ARHGAP15: variants seen among roughly 807,000 people sequenced by gnomAD.
The protein encoded by ARHGAP15 is rho GTPase-activating protein 15.
In ARHGAP15, 51 loss-of-function variants were observed where a neutral mutation model predicts 63.7. The ratio of observed to expected loss-of-function variants is 0.80; its 90% CI spans 0.64 to 1.01. The LOEUF is 1.01. ARHGAP15 is among the 50% of genes least tolerant of loss of function. The pLI is 0.00. For missense variants in ARHGAP15, 560 were observed against 564.6 expected (o/e 0.99, Z 0.08); for synonymous variants, 191 against 193.8 (o/e 0.99, Z 0.12).
At chr2:143,318,717 GT>G (rs2105215791) in intron 6 of ARHGAP15, among the ~76,000 whole-genome samples, 1 of 151,974 alleles carries the variant, frequency 6.6e-6, no homozygotes, top group African/African-American at 2.4e-5. Flanking sequence ...CATGATGAGG[GT>G]TAAATGACAT....
intron 6 of ARHGAP15, among the ~76,000 whole-genome samples, chr2:143,404,972 A>G (rs571920180): frequency 6.6e-6 from 1 of 152,034 alleles, no homozygotes; most frequent in African/African-American, 2.4e-5. Context: ...CTGAGATGAA[A>G]CCCATATTAT....
At chr2:143,648,074 A>G (rs759283493) in intron 12 of ARHGAP15, among the ~76,000 whole-genome samples, 1 of 151,934 alleles carries the variant, frequency 6.6e-6, no homozygotes, top group African/African-American at 2.4e-5. Flanking sequence ...AATAAACTCA[A>G]TGGGAGTCCT....
chr2:143,633,424 G>T (rs1256549016), intron 12 of ARHGAP15, among the ~76,000 whole-genome samples: 1 of 152,118 alleles, frequency 6.6e-6, no homozygotes, highest in Non-Finnish European at 1.5e-5. Context: ...AAACTAGAAG[G>T]TGATTCAGAA....
At chr2:143,229,113 T>G (rs1253672380) in intron 5 of ARHGAP15, among the ~76,000 whole-genome samples, 2 of 152,124 alleles carry the variant, frequency 1.3e-5, no homozygotes, top group African/African-American at 2.4e-5. Flanking sequence ...TATTAAACCA[T>G]GTATGTGCAT....
At chr2:143,263,954 A>G (rs1680869596) in intron 6 of ARHGAP15, among the ~76,000 whole-genome samples, 2 of 110,760 alleles carry the variant, frequency 1.8e-5, no homozygotes, top group South Asian at 5.8e-4. Context: ...GTGCTCACCA[A>G]CATACTGAGC....
intron 6 of ARHGAP15, among the ~76,000 whole-genome samples, chr2:143,433,269 A>G (rs1689467904): frequency 6.6e-6 from 1 of 152,116 alleles, no homozygotes. Context: ...ACTGGAATAG[A>G]GCAGAACAAA....
Position 143,719,253 on chromosome 2 carries a change from T to C in ARHGAP15, c.1244+15729T>C, listed in dbSNP as rs1048623489. Among the ~76,000 whole-genome samples the C allele has an allele frequency of 2.6e-5, 4 of 152,206 alleles. No individual in the cohort carries two copies. The East Asian group carries it at 5.8e-4, about 22-fold the overall frequency. ...TCTTTACTTCATTTATTGATTTTCA[T>C]TTACCTCCCATAGAGTTTGTGATAC... is the stretch of plus-strand genomic sequence containing the variant. On this transcript the variant is annotated intron_variant, in intron 13 of 13. Coordinates refer to ENST00000295095, the MANE Select transcript of ARHGAP15 (RefSeq NM_018460.4).
At chr2:143,167,099 C>T (rs926747816) in intron 2 of ARHGAP15, among the ~76,000 whole-genome samples, 16 of 152,238 alleles carry the variant, frequency 1.1e-4, no homozygotes, top group African/African-American at 3.4e-4. Flanking sequence ...ATTTAAACTT[C>T]TACAGAGCAT....
chr2:143,577,758 G>T lies in ARHGAP15; in HGVS notation c.1003+21273G>T, dbSNP rs542269985. ...CTAAGGAAATAGAATGGGCTGATTG[G>T]CTTAGAACAAGGTAACAAGCCCCCT... On this transcript the variant is annotated intron_variant, in intron 11 of 13. Coordinates refer to ENST00000295095, the MANE Select transcript of ARHGAP15 (RefSeq NM_018460.4). 3.3e-5 allele frequency among the ~76,000 whole-genome samples: 5 copies of T among 152,216 alleles called. No individual in the cohort carries two copies. In the South Asian group the frequency reaches 1.0e-3, roughly 32 times the overall value.
chr2:143,540,711 C>A (rs931741542), intron 10 of ARHGAP15, among the ~76,000 whole-genome samples: 1 of 152,210 alleles, frequency 6.6e-6, no homozygotes, highest in Admixed American at 6.5e-5. Flanking sequence ...GGCCCCCACT[C>A]TCTTCTGGCT....
intron 1 of ARHGAP15, among the ~76,000 whole-genome samples, chr2:143,149,732 G>A (rs960979196): frequency 6.6e-6 from 1 of 151,954 alleles, no homozygotes; most frequent in Non-Finnish European, 1.5e-5. Flanking sequence ...GCAAAGGTGA[G>A]TTACACATTT....
intron 6 of ARHGAP15, among the ~76,000 whole-genome samples, chr2:143,286,333 G>C (rs1248065364): frequency 6.6e-6 from 1 of 152,172 alleles, no homozygotes; most frequent in Non-Finnish European, 1.5e-5. Context: ...ACCACAGTGT[G>C]CTATGCTGGT....
intron 11 of ARHGAP15, among the ~76,000 whole-genome samples, chr2:143,577,246 C>T (rs571687196): frequency 5.9e-5 from 9 of 152,254 alleles, no homozygotes; most frequent in Admixed American, 2.0e-4. Context: ...ATTCCTCATA[C>T]GAGCTAAAAT....
At chr2:143,761,995 A>G (rs1686775880) in intron 13 of ARHGAP15, among the ~76,000 whole-genome samples, 1 of 152,182 alleles carries the variant, frequency 6.6e-6, no homozygotes. Flanking sequence ...GTGCTATTTC[A>G]TGAACAAATT....
At chr2:143,523,102 A>G (rs1395376310) in intron 10 of ARHGAP15, among the ~76,000 whole-genome samples, 1 of 152,152 alleles carries the variant, frequency 6.6e-6, no homozygotes, top group African/African-American at 2.4e-5. Context: ...ACAGCACGTG[A>G]CACCTTGTAA....
At chr2:143,385,629 A>G (rs1337666686) in intron 6 of ARHGAP15, among the ~76,000 whole-genome samples, 1 of 152,084 alleles carries the variant, frequency 6.6e-6, no homozygotes, top group Non-Finnish European at 1.5e-5. Flanking sequence ...TTCCCAAATC[A>G]TGGGACACTC....
At position 143,247,922 on chromosome 2, in the gene ARHGAP15, A is replaced by G. The variant is rs79244262; in HGVS notation, c.385-2589A>G. Among the ~76,000 whole-genome samples the G allele has an allele frequency of 3.9e-5, 6 of 152,348 alleles. No homozygotes were observed. In the East Asian group the frequency reaches 1.2e-3, roughly 29 times the overall value. On this transcript the variant is annotated intron_variant, in intron 5 of 13. Coordinates refer to ENST00000295095, the MANE Select transcript of ARHGAP15 (RefSeq NM_018460.4). ...CACTAAAGTCTTCCTTCCAAAGCAC[A>G]AAAGCTAGTTGCATTTTGGTATTTT...
chr2:143,652,835 A>G (rs528446351), intron 12 of ARHGAP15, among the ~76,000 whole-genome samples: 1 of 152,230 alleles, frequency 6.6e-6, no homozygotes, highest in African/African-American at 2.4e-5. Flanking sequence ...TGTTCTACAT[A>G]GAAGATTATG....
intron 4 of ARHGAP15, among the ~76,000 whole-genome samples, chr2:143,217,827 A>C (rs893753266): frequency 6.6e-6 from 1 of 152,202 alleles, no homozygotes; most frequent in African/African-American, 2.4e-5. Flanking sequence ...TAAGTTAGCC[A>C]GTTCAGCCCT....
Sources: allele counts gnomAD v4.1 joint callset (sites outside exome capture counted in the v4.1 genomes callset), GRCh38; gene constraint gnomAD v4.1.1; transcripts MANE v1.5; gene names NCBI Gene and HGNC (gene_info 2026-07-23, HGNC 2026-07-21).